RABGAP1L: variants seen among roughly 807,000 people sequenced by gnomAD.
The protein encoded by RABGAP1L is rab GTPase-activating protein 1-like.
RABGAP1L carries 63 observed loss-of-function variants against 137.7 expected under a neutral mutation model. The observed-to-expected ratio is 0.46, with a 90% confidence interval of 0.37 to 0.56. The LOEUF (loss-of-function observed/expected upper bound fraction) is 0.56. Ranked by LOEUF, RABGAP1L falls within the 20% of genes least tolerant of loss-of-function variation. The pLI is 0.00. For synonymous variants in RABGAP1L, 431 were observed against 433.7 expected, an observed-to-expected ratio of 0.99 and a Z score of 0.08; for missense variants, 1,095 against 1,244.0, an observed-to-expected ratio of 0.88 and a Z score of 1.80.
chr1:174,729,642 A>G (rs187902030), intron 17 of RABGAP1L, among the ~76,000 whole-genome samples: 4 of 152,302 alleles, frequency 2.6e-5, no homozygotes, highest in Admixed American at 2.6e-4. Flanking sequence ...AAATAACCCC[A>G]TTTAAAAAAT....
At chr1:174,929,018 A>T (rs1193858427) in intron 19 of RABGAP1L, among the ~76,000 whole-genome samples, 1 of 152,004 alleles carries the variant, frequency 6.6e-6, no homozygotes, top group Non-Finnish European at 1.5e-5. Flanking sequence ...TTGAACAATG[A>T]TAACACTTGG....
chr1:174,763,711 G>C (rs376762029), intron 18 of RABGAP1L, among the ~76,000 whole-genome samples: 1 of 136,112 alleles, frequency 7.3e-6, no homozygotes, highest in South Asian at 2.3e-4. Flanking sequence ...GGTGGCAGGT[G>C]CCTGTAGTCC....
At chr1:174,602,823 T>C (rs1296050821) in intron 13 of RABGAP1L, among the ~76,000 whole-genome samples, 1 of 152,166 alleles carries the variant, frequency 6.6e-6, no homozygotes, top group Non-Finnish European at 1.5e-5. Flanking sequence ...GTTAAATTTC[T>C]CTGATAGGAT....
intron 19 of RABGAP1L, among the ~76,000 whole-genome samples, chr1:174,924,385 CAAAAAA>C (rs10688718): frequency 5.7e-5 from 4 of 70,130 alleles, no homozygotes; most frequent in South Asian, 1.4e-3. Context: ...GACTCTGTCT[CAAAAAA>C]AAAAAAAAAA....
intron 19 of RABGAP1L, among the ~76,000 whole-genome samples, chr1:174,867,014 G>C (rs928694373): frequency 8.5e-5 from 13 of 152,066 alleles, no homozygotes; most frequent in African/African-American, 2.9e-4. Flanking sequence ...CTTGAACCCA[G>C]GAGGTTGAGG....
At position 174,477,883 on chromosome 1, in the gene RABGAP1L, AT is replaced by A. The variant is rs201312046; in HGVS notation, c.1710+83745del. Among the ~76,000 whole-genome samples the A allele has an allele frequency of 2.4e-4, 36 of 152,060 alleles. 1 individual carries two copies. The highest frequency in any genetic ancestry group is 2.4e-4 in the Non-Finnish European group (16 of 68,022). On this transcript the variant is annotated intron_variant, in intron 13 of 25. Transcript: ENST00000681986. ...GCATTTAGAGATCAGTCATTTAGAGATTTTTTTCAAGTATTTATATAAAACC... is the reference window on the plus strand; with the variant it reads ...GCATTTAGAGATCAGTCATTTAGAGATTTTTTCAAGTATTTATATAAAACC...
chr1:174,495,210 T>A (rs1041032720), intron 13 of RABGAP1L, among the ~76,000 whole-genome samples: 2 of 152,174 alleles, frequency 1.3e-5, no homozygotes, highest in African/African-American at 2.4e-5. Flanking sequence ...GAACTCTCAT[T>A]GTTTCAGTGT....
At chr1:174,839,306 C>A (rs887964953) in intron 19 of RABGAP1L, among the ~76,000 whole-genome samples, 2 of 152,120 alleles carry the variant, frequency 1.3e-5, no homozygotes, top group Admixed American at 1.3e-4. Context: ...TGAAACCTTA[C>A]AATAGCTGTT....
chr1:174,636,801 A>G (rs1024692444), intron 13 of RABGAP1L, among the ~76,000 whole-genome samples: 7 of 152,196 alleles, frequency 4.6e-5, no homozygotes, highest in Non-Finnish European at 7.4e-5. Flanking sequence ...TTGGAAATGC[A>G]TGTAACTTTT....
At chr1:174,438,947 G>A (rs1159416502) in intron 13 of RABGAP1L, among the ~76,000 whole-genome samples, 3 of 150,910 alleles carry the variant, frequency 2.0e-5, no homozygotes, top group Non-Finnish European at 4.4e-5. Context: ...TTTATATATT[G>A]ACCTGTGTTC....
At chr1:174,363,915 G>T (rs576694518) in intron 11 of RABGAP1L, among the ~76,000 whole-genome samples, 1 of 138,668 alleles carries the variant, frequency 7.2e-6, no homozygotes, top group South Asian at 2.4e-4. Flanking sequence ...CATGATGAAT[G>T]ATTCTTTTAA....
intron 19 of RABGAP1L, among the ~76,000 whole-genome samples, chr1:174,936,119 T>C (rs1012064143): frequency 6.6e-6 from 1 of 152,002 alleles, no homozygotes; most frequent in Non-Finnish European, 1.5e-5. Flanking sequence ...AGTGCTGATA[T>C]TAGAATTGAT....
intron 11 of RABGAP1L, among the ~76,000 whole-genome samples, chr1:174,345,549 T>G (rs1682357689): frequency 1.3e-5 from 2 of 152,158 alleles, no homozygotes; most frequent in Non-Finnish European, 2.9e-5. Context: ...TTTTTTAGAT[T>G]GTTTGCTCTT....
At chr1:174,447,266 C>T (rs1342787674) in intron 13 of RABGAP1L, among the ~76,000 whole-genome samples, 1 of 152,058 alleles carries the variant, frequency 6.6e-6, no homozygotes, top group Non-Finnish European at 1.5e-5. Flanking sequence ...TTACATTTTG[C>T]CAGGTGTTAA....
At chr1:174,983,013 A>G in intron 24 of RABGAP1L, 108 bp downstream of exon 24, 1 of 1,179,188 alleles carries the variant, frequency 8.5e-7, no homozygotes, top group Non-Finnish European at 1.2e-6. Context: ...GGATTTATTA[A>G]TAGGAATTAT....
At chr1:174,874,613 T>A in intron 19 of RABGAP1L, 1 of 633,198 alleles carries the variant, frequency 1.6e-6, no homozygotes, top group Non-Finnish European at 1.9e-6. Context: ...TCCAATGCAG[T>A]TGCGTGGTGT....
rs1658708629 is a variant in RABGAP1L at position 174,478,227 on chromosome 1, ACT to A, written c.1710+84083_1710+84084del. Among the ~76,000 whole-genome samples, 4 of 151,554 alleles carry A rather than the reference ACT, an allele frequency of 2.6e-5. No homozygotes were observed. In the South Asian group the frequency reaches 8.4e-4, roughly 32 times the overall value. On this transcript the variant is annotated intron_variant, in intron 13 of 25. Coordinates refer to ENST00000681986, the MANE Select transcript of RABGAP1L (RefSeq NM_001366446.1). The stretch of plus-strand genomic sequence containing the variant: ...AGAAATTCAAGGGGACTATCTCTTA[ACT>A]TTTTTTTCCTGTTTTTGTTGTTGTT...
chr1:174,519,331 C>G (rs534924201), intron 13 of RABGAP1L, among the ~76,000 whole-genome samples: 1 of 152,036 alleles, frequency 6.6e-6, no homozygotes, highest in East Asian at 1.9e-4. Flanking sequence ...AGAGTCAGTC[C>G]AAGTCTAAAA....
chr1:174,387,953 A>T (rs1039217713), intron 12 of RABGAP1L, among the ~76,000 whole-genome samples: 10 of 152,106 alleles, frequency 6.6e-5, no homozygotes, highest in African/African-American at 1.9e-4. Flanking sequence ...TGTGTAAACT[A>T]CAGAAGTATA....
Sources: allele counts gnomAD v4.1 joint callset (sites outside exome capture counted in the v4.1 genomes callset), GRCh38; gene constraint gnomAD v4.1.1; transcripts MANE v1.5; gene names NCBI Gene and HGNC (gene_info 2026-07-23, HGNC 2026-07-21).